STARD8: variants seen among roughly 807,000 people sequenced by gnomAD.
STARD8 encodes stAR-related lipid transfer protein 8.
STARD8 carries 25 observed loss-of-function variants against 69.4 expected under a neutral mutation model. The ratio of observed to expected loss-of-function variants is 0.36; its 90% confidence interval spans 0.26 to 0.50. The LOEUF (loss-of-function observed/expected upper bound fraction) is 0.50. STARD8 is among the 20% of genes least tolerant of loss of function. The pLI is 0.96. For missense variants in STARD8, 921 were observed against 932.5 expected (o/e 0.99, Z 0.16); for synonymous variants, 389 against 374.6 (o/e 1.04, Z -0.45).
chrX:68,647,927 G>T lies in STARD8; in HGVS notation c.45G>T (p.Lys15Asn). 8.3e-7 allele frequency: 1 copy of T among 1,199,249 alleles called. No homozygotes were observed. The highest frequency in any genetic ancestry group is 1.1e-6 in the Non-Finnish European group (1 of 889,225). ...TCTGGTCTTGCTTCAGGAAGGTGAA[G>T]GTAAGTGACTGGCCAGCCCCAGCCC... ...DVFWSCFRKVKCFPLLQVKKN... is the reference protein window; with the variant it reads ...DVFWSCFRKVNCFPLLQVKKN... Residue 15 changes from lysine to asparagine, a missense_variant and splice_region_variant, in exon 1 of 15, where the codon AAG becomes AAT. By Grantham distance (94) the Lys-to-Asn change is moderately conservative. Coordinates refer to ENST00000374599, the MANE Select transcript of STARD8 (RefSeq NM_001142503.3).
In STARD8 at chrX:68,715,698, G is replaced by A. The variant is rs776530253; in HGVS notation, c.233+323G>A. 1.3e-3 allele frequency among the ~76,000 whole-genome samples: 143 copies of A among 111,447 alleles called. 1 individual carries two copies. Among genetic ancestry groups the A allele is most frequent in the Admixed American group, 5.5e-3 (58 of 10,527 alleles). The stretch of plus-strand genomic sequence containing the variant: ...CCAAACCATGGCTTCTCCTTGGATC[G>A]ATCACAAGGCTTCAGCCTAACTGGC... On this transcript the variant is annotated intron_variant, in intron 4 of 14. Coordinates refer to ENST00000374599, the MANE Select transcript of STARD8 (RefSeq NM_001142503.3).
Position 68,717,883 on chromosome X carries a change from T to C in STARD8, c.969T>C (p.Asp323=). The C allele has an allele frequency of 8.3e-7, 1 of 1,208,955 alleles. No homozygotes were observed. Among genetic ancestry groups the C allele is most frequent in the Non-Finnish European group, 1.1e-6 (1 of 894,139 alleles). Residue 323 remains aspartate, a synonymous_variant, in exon 6 of 15, where the codon GAT becomes GAC. Transcript: ENST00000374599. ...SLSIESLCPE[D]GHRLADWQPG... Reference sequence around the variant, plus strand: ...CCATTGAGAGCCTGTGTCCTGAGGATGGACACCGCCTGGCAGACTGGCAGC... The same window carrying C: ...CCATTGAGAGCCTGTGTCCTGAGGACGGACACCGCCTGGCAGACTGGCAGC...
chrX:68,717,436 G>T lies in STARD8; in HGVS notation c.522G>T (p.Leu174Phe). ...CACCCGAGCCAGCAGACTTGCCCTT[G>T]CCAGGCCGTGCCCCCAGCTCGAGTG... ...SLPPEPADLPLPGRAPSSSDR... is the reference protein window; with the variant it reads ...SLPPEPADLPFPGRAPSSSDR... Residue 174 changes from leucine (L) to phenylalanine (F), a missense_variant, in exon 6 of 15, where the codon TTG becomes TTT. Coordinates refer to ENST00000374599, the MANE Select transcript of STARD8 (RefSeq NM_001142503.3). 1 of 1,209,640 alleles carries T rather than the reference G, an allele frequency of 8.3e-7. No individual in the cohort carries two copies. The highest frequency in any genetic ancestry group is 1.1e-6 in the Non-Finnish European group (1 of 894,858).
chrX:68,669,991 T>C (rs1377715658), intron 2 of STARD8, among the ~76,000 whole-genome samples: 1 of 112,565 alleles, frequency 8.9e-6, no homozygotes, highest in Non-Finnish European at 1.9e-5. Context: ...ACATTTGTTA[T>C]TTTACAAAGA....
rs530943348 is a variant in STARD8 at position 68,656,875 on chromosome X, G to A, written c.46-8624G>A. Among the ~76,000 whole-genome samples the A allele has an allele frequency of 9.9e-5, 11 of 110,981 alleles. No individual in the cohort carries two copies. The East Asian group carries it at 2.8e-3, about 29-fold the overall frequency. On this transcript the variant is annotated intron_variant, in intron 1 of 14. Transcript: ENST00000374599. Reference sequence around the variant, plus strand: ...GCCTGTTGTGGGGTGGAGGAGGGGGGAGGGATAGCATTAGGAGATATACCT... The same window carrying A: ...GCCTGTTGTGGGGTGGAGGAGGGGGAAGGGATAGCATTAGGAGATATACCT...
At chrX:68,665,701 G>C (rs775204196) in intron 2 of STARD8, among the ~76,000 whole-genome samples, 169 bp downstream of exon 2, 1 of 112,057 alleles carries the variant, frequency 8.9e-6, no homozygotes, top group Non-Finnish European at 1.9e-5. Flanking sequence ...TGTCCTCCTC[G>C]GGCCCTGCTT....
chrX:68,681,123 A>G (rs747052048), intron 2 of STARD8, among the ~76,000 whole-genome samples: 117 of 111,540 alleles, frequency 1.0e-3, no homozygotes, highest in African/African-American at 3.7e-3. Context: ...CCCTTCTAAG[A>G]CTTGGCCGCA....
rs1236361933 is a variant in STARD8, at chrX:68,724,250, T to C, written c.3195-55T>C. 3.4e-6 allele frequency: 4 copies of C among 1,183,264 alleles called. No homozygotes were observed. The Admixed American group carries it at 8.8e-5, about 26-fold the overall frequency. ...CAAGTCCTTTCTTCCTTCTCCCTGG[T>C]GAGGGCTCTGGGGAAAAATCCATTG... On this transcript the variant is annotated intron_variant, in intron 14 of 14. Coordinates refer to ENST00000374599, the MANE Select transcript of STARD8 (RefSeq NM_001142503.3).
intron 5 of STARD8, 117 bp downstream of exon 5, chrX:68,716,548 C>T: frequency 2.9e-6 from 2 of 685,303 alleles, no homozygotes; most frequent in Non-Finnish European, 4.4e-6. Context: ...ATGTCCAGAG[C>T]AGTGCCTTTC....
At chrX:68,669,894 A>C (rs772593445) in intron 2 of STARD8, among the ~76,000 whole-genome samples, 1 of 112,979 alleles carries the variant, frequency 8.9e-6, no homozygotes, top group African/African-American at 3.2e-5. Flanking sequence ...GAAAGTCATC[A>C]GAATAATAAT....
intron 1 of STARD8, among the ~76,000 whole-genome samples, chrX:68,659,156 T>A (rs1050176664): frequency 8.9e-6 from 1 of 112,292 alleles, no homozygotes; most frequent in South Asian, 3.7e-4. Flanking sequence ...CACTTCATAA[T>A]TGATTGTGAT....
At chrX:68,706,291 G>T (rs1228016939) in intron 2 of STARD8, among the ~76,000 whole-genome samples, 2 of 111,911 alleles carry the variant, frequency 1.8e-5, no homozygotes, top group African/African-American at 6.5e-5. Flanking sequence ...TGTAGGATGA[G>T]AGCTATTTTG....
intron 1 of STARD8, among the ~76,000 whole-genome samples, chrX:68,653,320 A>T (rs1477422376): frequency 6.5e-5 from 1 of 15,371 alleles, no homozygotes; most frequent in Non-Finnish European, 1.2e-4. Context: ...ACCACACACC[A>T]CACACACACA....
intron 2 of STARD8, among the ~76,000 whole-genome samples, chrX:68,676,204 T>A (rs1014347157): frequency 8.9e-6 from 1 of 111,830 alleles, no homozygotes; most frequent in Non-Finnish European, 1.9e-5. Context: ...CCCTCTTCTG[T>A]TTTTAAGTCT....
rs1181360781 is a variant in STARD8, at chrX:68,723,690, T to C, written c.2864T>C (p.Val955Ala). 1 of 1,196,585 alleles carries C rather than the reference T, an allele frequency of 8.4e-7. No individual in the cohort carries two copies. Among genetic ancestry groups the C allele is most frequent in the Non-Finnish European group, 1.1e-6 (1 of 888,669 alleles). Residue 955 changes from valine (V) to alanine (A), a missense_variant, in exon 13 of 15, where the codon GTG becomes GCG. Val to Ala is a moderately conservative substitution (Grantham distance 64, BLOSUM62 0). Transcript: ENST00000374599. ...ACAGAGGTGGCAGCCCCCCCAGCTG[T>C]GGTGCTGCATCGTGTTCTCCGGGAG... ...ASTEVAAPPA[V>A]VLHRVLRERA...
At chrX:68,660,792 G>A (rs1234642792) in intron 1 of STARD8, among the ~76,000 whole-genome samples, 2 of 112,735 alleles carry the variant, frequency 1.8e-5, no homozygotes, top group African/African-American at 6.4e-5. Context: ...CCAGCTGAGA[G>A]ACCCCAAGAC....
At position 68,725,339 on chromosome X, in the gene STARD8, C is replaced by T. The variant is rs2080190917; in HGVS notation, c.*917C>T. 9.1e-6 allele frequency: 1 copy of T among 110,005 alleles called. No homozygotes were observed. The highest frequency in any genetic ancestry group is 9.7e-5 in the Admixed American group (1 of 10,288). 9.1% of individuals were successfully genotyped at this position (110,005 alleles called of 1,213,427 possible). ...GCAGAGACCTGGCCCCTGGGCCAGC[C>T]AGATGGAAGGGCCTATCTTAGCCAG... On this transcript the variant is annotated 3_prime_UTR_variant, in exon 15 of 15. Coordinates refer to ENST00000374599, the MANE Select transcript of STARD8 (RefSeq NM_001142503.3).
At position 68,718,308 on chromosome X, in the gene STARD8, TGGCTCC is replaced by T. The variant is rs756636969; in HGVS notation, c.1400_1405del (p.Pro467_Ala468del). 19 of 1,208,158 alleles carry T rather than the reference TGGCTCC, an allele frequency of 1.6e-5. No homozygotes were observed. The African/African-American group carries it at 2.8e-4, about 18-fold the overall frequency. On this transcript the variant is annotated inframe_deletion, in exon 6 of 15. Transcript: ENST00000374599. Reference sequence around the variant, plus strand: ...CAGGCTGAAGTCCAGCCAGCAGTCCTGGCTCCGGCTCAGGCTCCAGCTGAGGCTGAA... The same window carrying T: ...CAGGCTGAAGTCCAGCCAGCAGTCCTGGCTCAGGCTCCAGCTGAGGCTGAA...
In STARD8 at chrX:68,669,732, A is replaced by G. The variant is rs186333646; in HGVS notation, c.79+4200A>G. On this transcript the variant is annotated intron_variant, in intron 2 of 14. Coordinates refer to ENST00000374599, the MANE Select transcript of STARD8 (RefSeq NM_001142503.3). ...GGCCTCAGCATCAGACTCATCCATCAGCTGCCCCAGACCCCTCCCCCAAGC... is the reference window on the plus strand; with the variant it reads ...GGCCTCAGCATCAGACTCATCCATCGGCTGCCCCAGACCCCTCCCCCAAGC... 1.2e-3 allele frequency among the ~76,000 whole-genome samples: 129 copies of G among 112,071 alleles called. 1 individual carries two copies. Among genetic ancestry groups the G allele is most frequent in the African/African-American group, 3.9e-3 (120 of 30,648 alleles).
Sources: allele counts gnomAD v4.1 joint callset (sites outside exome capture counted in the v4.1 genomes callset), GRCh38; gene constraint gnomAD v4.1.1; transcripts MANE v1.5; gene names NCBI Gene and HGNC (gene_info 2026-07-23, HGNC 2026-07-21).